Variants in ZNF382 observed in about 807,000 individuals in gnomAD.
ZNF382 encodes the protein zinc finger protein 382.
In ZNF382, 20 loss-of-function variants were observed where a neutral mutation model predicts 38.8. The ratio of observed to expected loss-of-function variants is 0.51; its 90% CI spans 0.36 to 0.75. The LOEUF is 0.75. Among genes scored for constraint, ZNF382 ranks in the 30% least tolerant of loss-of-function variants. The probability of loss-of-function intolerance (pLI) is 0.00; values close to 1 mark genes in which losing one functional copy is unlikely to be tolerated. For missense variants in ZNF382, 546 were observed against 654.1 expected (o/e 0.83, Z 1.80); for synonymous variants, 202 against 223.1 (o/e 0.91, Z 0.84).
At chr19:36,617,972 C>T (rs1198184570) in intron 4 of ZNF382, among the ~76,000 whole-genome samples, 5 of 152,100 alleles carry the variant, frequency 3.3e-5, no homozygotes, top group African/African-American at 1.2e-4. Flanking sequence ...ACTCCTAAAA[C>T]GTGGCCCTTC....
Position 36,626,147 on chromosome 19 carries a change from G to T in ZNF382, c.250G>T (p.Glu84Ter). The T allele has an allele frequency of 6.5e-7, 1 of 1,545,478 alleles. No individual in the cohort carries two copies. The highest frequency in any genetic ancestry group is 1.3e-5 in the South Asian group (1 of 78,046). The change falls in exon 5 of 5, where the codon GAA becomes TAA. Residue 84 changes from glutamate to a stop codon, truncating the protein, a stop_gained. Transcript: ENST00000292928. LOFTEE classifies it low-confidence loss of function (END_TRUNC). ...YSYLEEDGKT[E>*]DVLVKFKEYQ... ...TTTTCTAGAAGAAGATGGGAAAACT[G>T]AAGATGTCTTAGTGAAGTTCAAAGA...
chr19:36,610,171 T>C (rs2037065880), intron 3 of ZNF382, 118 bp downstream of exon 3: 1 of 1,318,214 alleles, frequency 7.6e-7, no homozygotes, highest in African/African-American at 1.5e-5. Context: ...GAAAATATTA[T>C]ATTGCCAGGC....
In ZNF382 at chr19:36,626,754, C is replaced by T. The variant is rs2037217195; in HGVS notation, c.857C>T (p.Pro286Leu). The T allele has an allele frequency of 2.5e-6, 4 of 1,614,026 alleles. No individual in the cohort carries two copies. The African/African-American group carries it at 4.0e-5, about 16-fold the overall frequency. ...TGCAGAAAGCCTGTTTTTATTATGC[C>T]TCAGAGACCTCAAACAGAAGAGAAA... ...FLCRKPVFIM[P>L]QRPQTEEKPF... The change falls in exon 5 of 5, where the codon CCT becomes CTT. Residue 286 changes from proline (P) to leucine (L), a missense_variant. Coordinates refer to ENST00000292928, the MANE Select transcript of ZNF382 (RefSeq NM_032825.5).
chr19:36,621,600 A>G (rs933586686), intron 4 of ZNF382, among the ~76,000 whole-genome samples: 4 of 143,338 alleles, frequency 2.8e-5, no homozygotes, highest in African/African-American at 9.8e-5. Context: ...ATACACACAC[A>G]CACACACACA....
intron 2 of ZNF382, chr19:36,608,406 G>C (rs1055762490): frequency 1.1e-4 from 16 of 151,978 alleles, no homozygotes; most frequent in African/African-American, 3.9e-4. Flanking sequence ...TTTTTTATTT[G>C]CGGGTGCAGG....
At chr19:36,606,736 T>G (rs2037032164) in intron 1 of ZNF382, among the ~76,000 whole-genome samples, 1 of 151,950 alleles carries the variant, frequency 6.6e-6, no homozygotes, top group Non-Finnish European at 1.5e-5. Context: ...TAATAAAAAG[T>G]ATTTGATAGA....
In ZNF382 at chr19:36,627,217, A is replaced by T. The variant is rs776625234; in HGVS notation, c.1320A>T (p.Glu440Asp). The change falls in exon 5 of 5, where the codon GAA becomes GAT. Residue 440 changes from glutamate to aspartate, a missense_variant. Glu to Asp is a conservative substitution (Grantham distance 45). Coordinates refer to ENST00000292928, the MANE Select transcript of ZNF382 (RefSeq NM_032825.5). ...GAGAGAAACCCTATATTTGCAATGA[A>T]TGTGGGAAGTCCTTCTGCCAAAAGA... ...HTGEKPYICN[E>D]CGKSFCQKTT... is the part of the protein sequence containing the mutation. 5.0e-6 allele frequency: 8 copies of T among 1,613,698 alleles called. No individual in the cohort carries two copies. In the African/African-American group the frequency reaches 1.1e-4, roughly 22 times the overall value.
intron 1 of ZNF382, among the ~76,000 whole-genome samples, chr19:36,607,089 A>G (rs1476560039): frequency 6.6e-6 from 1 of 151,978 alleles, no homozygotes; most frequent in Non-Finnish European, 1.5e-5. Context: ...AAAAAAAAAA[A>G]AAAAAAGATT....
At chr19:36,612,650 G>A (rs541363985) in intron 4 of ZNF382, among the ~76,000 whole-genome samples, 2 of 152,100 alleles carry the variant, frequency 1.3e-5, no homozygotes, top group East Asian at 1.9e-4. Flanking sequence ...TGTCCATTCT[G>A]GTCATTTTGA....
chr19:36,628,221 C>CT lies in ZNF382; in HGVS notation c.*675dup, dbSNP rs1465455721. On this transcript the variant is annotated 3_prime_UTR_variant, in exon 5 of 5. Transcript: ENST00000292928. The stretch of plus-strand genomic sequence containing the variant: ...ATTTATCCATTCTGCTGTTGATGGA[C>CT]TTTTACATTGTTTACAGCTTAGGGT... 2 of 152,136 alleles carry CT rather than the reference C, an allele frequency of 1.3e-5. No homozygotes were observed. Among genetic ancestry groups the CT allele is most frequent in the Non-Finnish European group, 2.9e-5 (2 of 68,084 alleles). 9.4% of individuals were successfully genotyped at this position (152,136 alleles called of 1,614,324 possible).
intron 2 of ZNF382, chr19:36,608,983 T>C (rs890169989): frequency 1.3e-5 from 2 of 152,248 alleles, no homozygotes; most frequent in Non-Finnish European, 2.9e-5. Context: ...TTTCTAACCA[T>C]GGTTACTTAA....
intron 4 of ZNF382, among the ~76,000 whole-genome samples, chr19:36,614,960 T>TTTCCCTTTCCCTTTCCC (rs1568628735): frequency 9.9e-6 from 1 of 101,082 alleles, no homozygotes; most frequent in African/African-American, 3.7e-5. Context: ...TTTCCCTTCC[T>TTTCCCTTTCCCTTTCCC]TTCCTTTCCT....
At chr19:36,616,731 T>G (rs2037128819) in intron 4 of ZNF382, among the ~76,000 whole-genome samples, 1 of 152,202 alleles carries the variant, frequency 6.6e-6, no homozygotes, top group South Asian at 2.1e-4. Context: ...TCTGGATGTC[T>G]CCAAAGCTTG....
chr19:36,611,979 C>A (rs1225084057), intron 4 of ZNF382, among the ~76,000 whole-genome samples: 1 of 152,168 alleles, frequency 6.6e-6, no homozygotes, highest in Non-Finnish European at 1.5e-5. Context: ...AATATTGCTG[C>A]TATTACCTTA....
Position 36,633,070 on chromosome 19 carries a change from C to G in ZNF382, c.*5520C>G, listed in dbSNP as rs371227234. 5 of 150,220 alleles carry G rather than the reference C, an allele frequency of 3.3e-5. No homozygotes were observed. In the East Asian group the frequency reaches 7.8e-4, roughly 23 times the overall value. 9.3% of individuals were successfully genotyped at this position (150,220 alleles called of 1,614,324 possible). A position where few individuals can be genotyped will look rare whatever the true frequency, so the allele number is the denominator to read the frequency against. ...TTTTTTTTTTTTTGAGACAGTGTCT[C>G]GCTCTGTCGCCCAGGCTGGAGGCAG... On this transcript the variant is annotated 3_prime_UTR_variant, in exon 5 of 5. Coordinates refer to ENST00000292928, the MANE Select transcript of ZNF382 (RefSeq NM_032825.5).
At chr19:36,621,276 G>T (rs759325114) in intron 4 of ZNF382, among the ~76,000 whole-genome samples, 1 of 147,822 alleles carries the variant, frequency 6.8e-6, no homozygotes, top group Non-Finnish European at 1.5e-5. Context: ...ATCATTTCAG[G>T]TGTGGGCTAC....
intron 4 of ZNF382, among the ~76,000 whole-genome samples, chr19:36,624,064 G>A (rs926463420): frequency 6.6e-6 from 1 of 152,056 alleles, no homozygotes; most frequent in South Asian, 2.1e-4. Context: ...ACTCCAGCCT[G>A]AGTGACAGAG....
chr19:36,615,156 T>C (rs2037116162), intron 4 of ZNF382, among the ~76,000 whole-genome samples: 1 of 151,856 alleles, frequency 6.6e-6, no homozygotes, highest in African/African-American at 2.4e-5. Context: ...CAGCTAATTT[T>C]TGTATTTTTT....
intron 4 of ZNF382, among the ~76,000 whole-genome samples, chr19:36,621,795 G>A (rs1473657422): frequency 1.3e-5 from 2 of 152,068 alleles, no homozygotes; most frequent in Admixed American, 1.3e-4. Flanking sequence ...AGTATCCTTG[G>A]GGATTTCGGA....
Sources: gnomAD v4.1 joint callset for allele counts (sites outside exome capture counted in the v4.1 genomes callset) on GRCh38, gnomAD v4.1.1 for gene constraint, MANE v1.5 for transcripts, NCBI Gene and HGNC (gene_info 2026-07-23, HGNC 2026-07-21) for gene names.